NSD1: variants seen among roughly 807,000 people sequenced by gnomAD.
NSD1 encodes histone-lysine N-methyltransferase, H3 lysine-36 specific.
A neutral mutation model predicts 242.7 loss-of-function variants in NSD1; 26 were observed. The ratio of observed to expected loss-of-function variants is 0.11; its 90% CI spans 0.08 to 0.15. The LOEUF is 0.15. Among genes scored for constraint, NSD1 ranks in the 10% least tolerant of loss-of-function variants. The probability of loss-of-function intolerance (pLI) is 1.00; values close to 1 mark genes in which losing one functional copy is unlikely to be tolerated. For missense variants in NSD1, 2,495 were observed against 3,272.8 expected (o/e 0.76, Z 5.80); for synonymous variants, 1,106 against 1,178.1 (o/e 0.94, Z 1.25).
rs1562208925 is a variant in NSD1 at position 177,210,815 on chromosome 5, A to G, written c.2416A>G (p.Ile806Val). The change falls in exon 5 of 23, where the codon ATA (isoleucine) becomes GTA (valine). Residue 806 changes from isoleucine to valine, a missense_variant. Physicochemically the swap from Ile to Val is conservative, Grantham distance 29. Transcript: ENST00000439151. ...TCCAGTTATGGCAGAACCCCCAGTT[A>G]TAAATGAGGAGTGCAGTTTGAAATG... ...ENPVMAEPPV[I>V]NEECSLKCCS... is the part of the protein sequence containing the mutation. The G allele has an allele frequency of 1.2e-6, 2 of 1,614,230 alleles. No homozygotes were observed. Among genetic ancestry groups the G allele is most frequent in the Non-Finnish European group, 1.7e-6 (2 of 1,180,040 alleles).
In NSD1 at chr5:177,212,103, A is replaced by C; in HGVS notation, c.3704A>C (p.Asn1235Thr). ...TTAGATTCAGCTGGGCCACGGTTAA[A>C]TGTTTGTGATAAATCCAGTGCCAGC... ...DCLDSAGPRL[N>T]VCDKSSASIG... The change falls in exon 5 of 23, where the codon AAT becomes ACT. Residue 1235 changes from asparagine to threonine, a missense_variant. This residue lies in a region of NSD1 where 426 missense variants were observed against 411.4 expected (regional missense o/e 1.04). Coordinates refer to ENST00000439151, the MANE Select transcript of NSD1 (RefSeq NM_022455.5). 1 of 1,614,130 alleles carries C rather than the reference A, an allele frequency of 6.2e-7. No homozygotes were observed.
intron 11 of NSD1, 76 bp from the exon 12 acceptor site, chr5:177,251,654 T>G: frequency 6.6e-7 from 1 of 1,506,402 alleles, no homozygotes; most frequent in Non-Finnish European, 9.2e-7. Context: ...TTTGTTTACT[T>G]TAACCCACTG....
chr5:177,204,288 A>G lies in NSD1; in HGVS notation c.1232A>G (p.His411Arg). 1 of 1,613,668 alleles carries G rather than the reference A, an allele frequency of 6.2e-7. No individual in the cohort carries two copies. The highest frequency in any genetic ancestry group is 8.5e-7 in the Non-Finnish European group (1 of 1,179,700). The change falls in exon 4 of 23, where the codon CAT becomes CGT. Residue 411 changes from histidine (H) to arginine (R), a missense_variant. Coordinates refer to ENST00000439151, the MANE Select transcript of NSD1 (RefSeq NM_022455.5). ...AAACAGAAAGAAAAAGGATATAGGC[A>G]TAAGGTAGGAAACGAAAAAGGCTTT... is the stretch of plus-strand genomic sequence containing the variant. ...RGKQKEKGYR[H>R]KVPQKILSKW... is the part of the protein sequence containing the mutation.
intron 8 of NSD1, among the ~76,000 whole-genome samples, chr5:177,241,365 C>T (rs1282503920): frequency 1.3e-5 from 2 of 150,918 alleles, no homozygotes; most frequent in Admixed American, 6.6e-5. Context: ...AATGGCTGGG[C>T]GTCGTGGTAC....
Position 177,246,660 on chromosome 5 carries a change from C to A in NSD1, c.4379-18C>A. On this transcript the variant is annotated intron_variant, in intron 9 of 22. Transcript: ENST00000439151. Reference sequence around the variant, plus strand: ...GTGTGTTAGTAGCCAGCAGTTAACACCTATTTTCCTGTCATAGGCACTACC... The same window carrying A: ...GTGTGTTAGTAGCCAGCAGTTAACAACTATTTTCCTGTCATAGGCACTACC... 6.4e-7 allele frequency: 1 copy of A among 1,561,152 alleles called. No homozygotes were observed. Among genetic ancestry groups the A allele is most frequent in the Non-Finnish European group, 8.8e-7 (1 of 1,131,770 alleles).
chr5:177,133,644 G>A (rs1405364193), upstream of NSD1: 3 of 149,942 alleles, frequency 2.0e-5, no homozygotes, highest in Non-Finnish European at 4.5e-5. This position sits in a 1 kb window ranked among gnomAD's most constrained non-coding sequence, Gnocchi z 6.2. Context: ...AGTGAGAGAA[G>A]GGAACGCGCG....
intron 9 of NSD1, 44 bp from the exon 10 acceptor site, chr5:177,246,634 T>A (rs769765925): frequency 5.5e-6 from 7 of 1,282,790 alleles, no homozygotes; most frequent in Non-Finnish European, 1.1e-6. Context: ...ATTTTGGACA[T>A]GTGTGTTAGT....
chr5:177,287,018 A>G (rs1418742865), intron 20 of NSD1, among the ~76,000 whole-genome samples: 1 of 152,200 alleles, frequency 6.6e-6, no homozygotes, highest in East Asian at 1.9e-4. Flanking sequence ...ACATACCTGC[A>G]ACTTACTGTC....
At chr5:177,222,399 A>G (rs889632316) in intron 5 of NSD1, among the ~76,000 whole-genome samples, 2 of 152,118 alleles carry the variant, frequency 1.3e-5, no homozygotes, top group African/African-American at 4.8e-5. Flanking sequence ...TGGTTATTCT[A>G]TATTCAACCC....
intron 2 of NSD1, among the ~76,000 whole-genome samples, chr5:177,164,551 A>G (rs1292242625): frequency 2.6e-5 from 4 of 152,300 alleles, no homozygotes; most frequent in East Asian, 1.9e-4. Flanking sequence ...AAGTTTATCT[A>G]TGAAGTAATA....
In NSD1 at chr5:177,134,981, A is replaced by T; in HGVS notation, c.-17-106A>T. 1.0e-6 allele frequency: 1 copy of T among 960,328 alleles called. No homozygotes were observed. Among genetic ancestry groups the T allele is most frequent in the Non-Finnish European group, 1.6e-6 (1 of 613,078 alleles). 59.5% of individuals were successfully genotyped at this position (960,328 alleles called of 1,614,324 possible). A position where few individuals can be genotyped will look rare whatever the true frequency, so the allele number is the denominator to read the frequency against. On this transcript the variant is annotated intron_variant, in intron 1 of 22. Coordinates refer to ENST00000439151, the MANE Select transcript of NSD1 (RefSeq NM_022455.5). The surrounding 1 kb of genome is among the most constrained non-coding windows in gnomAD (Gnocchi z 4.2). Reference sequence around the variant, plus strand: ...GAACTTTTTCTGCCCATGGAAGTGCAGCAGAAAGGCATAGAGGCCACTAGG... The same window carrying T: ...GAACTTTTTCTGCCCATGGAAGTGCTGCAGAAAGGCATAGAGGCCACTAGG...
At chr5:177,245,884 AC>A (rs1308512589) in intron 9 of NSD1, among the ~76,000 whole-genome samples, 1 of 151,710 alleles carries the variant, frequency 6.6e-6, no homozygotes, top group Non-Finnish European at 1.5e-5. Context: ...TGATCTGTCC[AC>A]CTTGGCCTCC....
intron 21 of NSD1, 130 bp downstream of exon 21, chr5:177,289,055 C>T (rs1759565019): frequency 1.4e-6 from 1 of 735,388 alleles, no homozygotes; most frequent in Non-Finnish European, 2.4e-6. Flanking sequence ...CATGGTGGCT[C>T]ATGCCTGTAA....
intron 21 of NSD1, among the ~76,000 whole-genome samples, chr5:177,289,320 CAAAA>C (rs911985681): frequency 7.1e-6 from 1 of 140,948 alleles, no homozygotes; most frequent in African/African-American, 2.6e-5. Context: ...GACTCCTTCT[CAAAA>C]AAAAAAAGAA....
At chr5:177,278,086 C>T (rs2127252669) in intron 17 of NSD1, among the ~76,000 whole-genome samples, 1 of 152,238 alleles carries the variant, frequency 6.6e-6, no homozygotes, top group Middle Eastern at 3.4e-3. Context: ...GGATATTTCT[C>T]CATTAGCAAG....
chr5:177,139,020 C>T (rs1756583757), intron 2 of NSD1, among the ~76,000 whole-genome samples: 3 of 149,898 alleles, frequency 2.0e-5, no homozygotes, highest in East Asian at 2.0e-4. Context: ...GAGGCTGAGG[C>T]GGGTGGATCA....
At chr5:177,276,801 T>G (rs1485184947) in intron 17 of NSD1, among the ~76,000 whole-genome samples, 1 of 152,080 alleles carries the variant, frequency 6.6e-6, no homozygotes, top group Non-Finnish European at 1.5e-5. Flanking sequence ...TCATAAAATA[T>G]CCATACCAAG....
intron 2 of NSD1, among the ~76,000 whole-genome samples, chr5:177,158,377 A>G (rs1328152736): frequency 6.8e-6 from 1 of 147,198 alleles, no homozygotes; most frequent in African/African-American, 2.5e-5. Context: ...CTCCCTCTGT[A>G]GCCCAGGCTG....
chr5:177,283,491 G>A (rs1465138466), intron 19 of NSD1, among the ~76,000 whole-genome samples: 1 of 152,192 alleles, frequency 6.6e-6, no homozygotes, highest in Admixed American at 6.5e-5. Context: ...AAACTTCAAT[G>A]TAGTCAGAAA....
Sources: allele counts gnomAD v4.1 joint callset (sites outside exome capture counted in the v4.1 genomes callset), GRCh38; gene constraint gnomAD v4.1.1; regional missense constraint gnomAD v4.1.1; non-coding constraint Gnocchi (gnomAD v3.1); transcripts MANE v1.5; gene names NCBI Gene and HGNC (gene_info 2026-07-23, HGNC 2026-07-21).